DENND1B: variants seen among roughly 807,000 people sequenced by gnomAD.
DENND1B encodes DENN domain-containing protein 1B.
A neutral mutation model predicts 90.1 loss-of-function variants in DENND1B; 59 were observed. That is an observed-to-expected ratio of 0.65 (90% CI 0.53 to 0.81). DENND1B has a LOEUF of 0.81. Ranked by LOEUF, DENND1B falls within the 40% of genes least tolerant of loss-of-function variation. The probability of loss-of-function intolerance (pLI) is 0.00; values close to 1 mark genes in which losing one functional copy is unlikely to be tolerated. For synonymous variants in DENND1B, 337 were observed against 324.6 expected (o/e 1.04, Z -0.41); for missense variants, 862 against 912.6 (o/e 0.94, Z 0.71).
chr1:197,734,648 AG>A (rs1185423043), intron 2 of DENND1B: 1 of 985,138 alleles, frequency 1.0e-6, no homozygotes, highest in Non-Finnish European at 1.2e-6. Flanking sequence ...TAATCAGAAT[AG>A]TTCAAAACCC....
chr1:197,774,126 T>C (rs1281617037), intron 1 of DENND1B, among the ~76,000 whole-genome samples: 5 of 152,204 alleles, frequency 3.3e-5, no homozygotes, highest in African/African-American at 1.2e-4. Context: ...TTAAAACAAT[T>C]AATGTCAAGA....
chr1:197,684,153 A>G (rs1656989167), intron 3 of DENND1B, among the ~76,000 whole-genome samples: 1 of 152,238 alleles, frequency 6.6e-6, no homozygotes, highest in Non-Finnish European at 1.5e-5. Flanking sequence ...TAAAGACAAG[A>G]TAAAATAAAT....
At chr1:197,612,819 T>C (rs1298537161) in intron 11 of DENND1B, among the ~76,000 whole-genome samples, 3 of 150,574 alleles carry the variant, frequency 2.0e-5, no homozygotes, top group East Asian at 2.0e-4. Flanking sequence ...GCAAAAAATA[T>C]AGATGTTAAA....
At chr1:197,519,367 G>A (rs983085207) in intron 20 of DENND1B, among the ~76,000 whole-genome samples, 1 of 151,824 alleles carries the variant, frequency 6.6e-6, no homozygotes, top group Non-Finnish European at 1.5e-5. Flanking sequence ...AAAGGATAAA[G>A]TACTATACTA....
At chr1:197,580,258 A>ATTTTTAT (rs1674105688) in intron 15 of DENND1B, among the ~76,000 whole-genome samples, 4 of 113,186 alleles carry the variant, frequency 3.5e-5, no homozygotes, top group African/African-American at 1.4e-4. Flanking sequence ...CGCCCAGCTA[A>ATTTTTAT]TTTTTTTTTT....
At position 197,509,079 on chromosome 1, in the gene DENND1B, CCT is replaced by C. The variant is rs1299096000; in HGVS notation, c.*1379_*1380del. On this transcript the variant is annotated 3_prime_UTR_variant, in exon 23 of 23. Coordinates refer to ENST00000620048, the MANE Select transcript of DENND1B (RefSeq NM_001195215.2). ...CTACCTCAGCCAGGTTATCAAGGTCCCTGTCAGCATTCACAAATCATGTTGAC... is the reference window on the plus strand; with the variant it reads ...CTACCTCAGCCAGGTTATCAAGGTCCGTCAGCATTCACAAATCATGTTGAC... 1 of 151,640 alleles carries C rather than the reference CCT, an allele frequency of 6.6e-6. No homozygotes were observed. Among genetic ancestry groups the C allele is most frequent in the East Asian group, 1.9e-4 (1 of 5,138 alleles). The allele number at this position is 151,640 out of a possible 1,614,324, so 9.4% of individuals were successfully genotyped here. A position where few individuals can be genotyped will look rare whatever the true frequency, so the allele number is the denominator to read the frequency against.
At chr1:197,769,695 T>C (rs1417663411) in intron 2 of DENND1B, among the ~76,000 whole-genome samples, 6 of 152,280 alleles carry the variant, frequency 3.9e-5, no homozygotes, top group Admixed American at 3.9e-4. Context: ...TCCTAATTTA[T>C]ACATTTTGTT....
At chr1:197,672,000 T>C in intron 5 of DENND1B, 37 bp downstream of exon 5, 1 of 1,596,596 alleles carries the variant, frequency 6.3e-7, no homozygotes, top group Non-Finnish European at 8.5e-7. Context: ...GATAGTTACC[T>C]ATTTTGCATC....
intron 13 of DENND1B, among the ~76,000 whole-genome samples, chr1:197,598,873 A>C (rs1675946270): frequency 6.6e-6 from 1 of 151,824 alleles, no homozygotes. Flanking sequence ...ATTTAGTATT[A>C]GGATAGATCA....
intron 3 of DENND1B, among the ~76,000 whole-genome samples, chr1:197,705,528 G>GA (rs1286492139): frequency 2.0e-5 from 3 of 151,164 alleles, no homozygotes; most frequent in Non-Finnish European, 4.4e-5. Context: ...AGCCCCAAAT[G>GA]AAAAAAATCC....
intron 13 of DENND1B, among the ~76,000 whole-genome samples, chr1:197,600,764 G>A (rs1676136331): frequency 6.6e-6 from 1 of 151,410 alleles, no homozygotes; most frequent in South Asian, 2.1e-4. Flanking sequence ...TAAGAATATA[G>A]ACCAAGCTCC....
chr1:197,780,795 A>G, the DENND1B span, among the ~76,000 whole-genome samples: 1 of 152,166 alleles, frequency 6.6e-6, no homozygotes, highest in Admixed American at 6.5e-5. Context: ...GTGTCATGTA[A>G]AATGGACTAA....
chr1:197,524,707 A>C (rs1262565291), intron 20 of DENND1B, among the ~76,000 whole-genome samples: 1 of 152,140 alleles, frequency 6.6e-6, no homozygotes, highest in African/African-American at 2.4e-5. Flanking sequence ...GGAGGTATAC[A>C]ATCTCGAAAG....
At chr1:197,715,993 C>T (rs1660609667) in intron 2 of DENND1B, among the ~76,000 whole-genome samples, 1 of 150,960 alleles carries the variant, frequency 6.6e-6, no homozygotes, top group African/African-American at 2.4e-5. Flanking sequence ...GTAACAAGTA[C>T]CACCCATATG....
intron 10 of DENND1B, among the ~76,000 whole-genome samples, chr1:197,632,402 A>G (rs1174064659): frequency 6.6e-6 from 1 of 152,140 alleles, no homozygotes; most frequent in Non-Finnish European, 1.5e-5. Flanking sequence ...TATTAAAGAT[A>G]TATTTCCTAG....
rs540387621 is a variant in DENND1B at position 197,735,698 on chromosome 1, C to T, written c.83-20624G>A. The T allele has an allele frequency of 2.9e-4, 473 of 1,613,982 alleles. 6 individuals carry two copies. In the South Asian group the frequency reaches 4.8e-3, roughly 16 times the overall value. ...TCTACCCCGGACACGGGAGGCGCTACGCCAGGACCGACAGGAAAGTTTTCC... is the reference window on the plus strand; with the variant it reads ...TCTACCCCGGACACGGGAGGCGCTATGCCAGGACCGACAGGAAAGTTTTCC... On this transcript the variant is annotated intron_variant, in intron 2 of 22. Transcript: ENST00000620048.
At chr1:197,537,715 A>G (rs1449950589) in intron 20 of DENND1B, among the ~76,000 whole-genome samples, 1 of 152,042 alleles carries the variant, frequency 6.6e-6, no homozygotes, top group Non-Finnish European at 1.5e-5. Flanking sequence ...TTAACAGAAA[A>G]CAAAAACAGA....
intron 2 of DENND1B, among the ~76,000 whole-genome samples, chr1:197,757,071 CA>C (rs1323107188): frequency 6.6e-6 from 1 of 151,512 alleles, no homozygotes; most frequent in East Asian, 1.9e-4. Flanking sequence ...TTGCAAGTTA[CA>C]AAAGAGATGT....
rs1374981227 is a variant in DENND1B, at chr1:197,583,152, C to T, written c.1149G>A (p.Gln383=). The part of the protein sequence containing the change: ...ETAINLQLFK[Q]FIDGRLAKLN... The stretch of plus-strand genomic sequence containing the variant: ...GAAAAATGTGGAGGTCCACTCTTAC[C>T]TGCTTAAAAAGCTGGAGGTTAATGG... The change falls in exon 15 of 23, where the codon CAG becomes CAA. Residue 383 remains glutamine, a splice_region_variant and synonymous_variant. Transcript: ENST00000620048. The T allele has an allele frequency of 1.2e-6, 2 of 1,613,464 alleles. No homozygotes were observed. The highest frequency in any genetic ancestry group is 8.5e-7 in the Non-Finnish European group (1 of 1,179,614).
Sources: allele counts gnomAD v4.1 joint callset (sites outside exome capture counted in the v4.1 genomes callset), GRCh38; gene constraint gnomAD v4.1.1; transcripts MANE v1.5; gene names NCBI Gene and HGNC (gene_info 2026-07-23, HGNC 2026-07-21).